The following LRFN5 variants were observed in gnomAD, a reference collection of about 807,000 sequenced individuals.
The protein encoded by LRFN5 is leucine-rich repeat and fibronectin type-III domain-containing protein 5.
In LRFN5, 24 loss-of-function variants were observed where a neutral mutation model predicts 45.6. The observed-to-expected ratio is 0.53, with a 90% CI of 0.38 to 0.74. LRFN5 has a LOEUF of 0.74. Ranked by LOEUF, LRFN5 falls within the 30% of genes least tolerant of loss-of-function variation. The pLI, the probability that LRFN5 is intolerant of heterozygous loss-of-function variation, is 0.00. For synonymous variants in LRFN5, 340 were observed against 313.8 expected (o/e 1.08, Z -0.88); for missense variants, 776 against 861.5 (o/e 0.90, Z 1.24).
chr14:41,895,886 A>G (rs76131970), intron 4 of LRFN5, among the ~76,000 whole-genome samples: 1,850 of 152,212 alleles, frequency 0.012, 12 homozygotes, highest in Non-Finnish European at 0.017. Flanking sequence ...TGAAAGATGC[A>G]TACTTTCTCC....
intron 2 of LRFN5, among the ~76,000 whole-genome samples, chr14:41,863,877 C>G (rs1889753546): frequency 6.6e-6 from 1 of 151,974 alleles, no homozygotes; most frequent in Non-Finnish European, 1.5e-5. Flanking sequence ...TCTCCCTCTC[C>G]CTGTGTCCTT....
At chr14:41,609,509 G>T (rs1357468817) in intron 1 of LRFN5, among the ~76,000 whole-genome samples, 1 of 152,036 alleles carries the variant, frequency 6.6e-6, no homozygotes, top group Non-Finnish European at 1.5e-5. Flanking sequence ...AACTTCCAAA[G>T]CCCTTTACCC....
chr14:41,826,598 A>G (rs969341414), intron 2 of LRFN5, among the ~76,000 whole-genome samples: 1 of 152,044 alleles, frequency 6.6e-6, no homozygotes, highest in Non-Finnish European at 1.5e-5. Context: ...TAACTAAGAA[A>G]TGTTTCGATG....
chr14:41,675,723 G>T (rs958246940), intron 1 of LRFN5, among the ~76,000 whole-genome samples: 1 of 152,112 alleles, frequency 6.6e-6, no homozygotes, highest in Non-Finnish European at 1.5e-5. Flanking sequence ...TTGACTAAAT[G>T]AAATTTCTGC....
chr14:41,855,747 T>C (rs894818361), intron 2 of LRFN5, among the ~76,000 whole-genome samples: 3 of 152,198 alleles, frequency 2.0e-5, no homozygotes, highest in Non-Finnish European at 4.4e-5. Flanking sequence ...ATATTTTTGA[T>C]TCACCTATAA....
chr14:41,754,412 G>A (rs568081187), intron 1 of LRFN5, among the ~76,000 whole-genome samples: 76 of 152,102 alleles, frequency 5.0e-4, no homozygotes, highest in Non-Finnish European at 8.5e-4. Context: ...TTTTTGGTTC[G>A]TAAGCTATTA....
intron 1 of LRFN5, among the ~76,000 whole-genome samples, chr14:41,733,853 A>C (rs1445537307): frequency 6.6e-6 from 1 of 151,280 alleles, no homozygotes; most frequent in Non-Finnish European, 1.5e-5. Flanking sequence ...ATGGTTCCTT[A>C]TTGATTTTTT....
intron 1 of LRFN5, among the ~76,000 whole-genome samples, chr14:41,675,058 A>C (rs1019560935): frequency 6.6e-6 from 1 of 151,868 alleles, no homozygotes; most frequent in Non-Finnish European, 1.5e-5. Context: ...GGCCAGGAAG[A>C]GGCGCTCCTC....
chr14:41,760,609 A>T (rs1885619561), intron 1 of LRFN5, among the ~76,000 whole-genome samples: 1 of 152,326 alleles, frequency 6.6e-6, no homozygotes, highest in Non-Finnish European at 1.5e-5. Context: ...TATGTTTATA[A>T]AATGTGCAGT....
intron 2 of LRFN5, among the ~76,000 whole-genome samples, chr14:41,869,778 A>T (rs1889957667): frequency 6.6e-6 from 1 of 152,046 alleles, no homozygotes; most frequent in Admixed American, 6.6e-5. Flanking sequence ...AGACGTGTTC[A>T]CTATCATGAG....
intron 1 of LRFN5, chr14:41,742,635 C>G (rs574760623): frequency 6.6e-6 from 1 of 152,238 alleles, no homozygotes; most frequent in East Asian, 1.9e-4. Flanking sequence ...CAGCAATTCC[C>G]GTGGATGGGG....
At chr14:41,815,761 TATAA>T (rs750312531) in intron 2 of LRFN5, among the ~76,000 whole-genome samples, 25 of 151,464 alleles carry the variant, frequency 1.7e-4, no homozygotes, top group African/African-American at 5.1e-4. Context: ...TAAAAATAAA[TATAA>T]ATAAATAAAT....
intron 2 of LRFN5, among the ~76,000 whole-genome samples, chr14:41,778,435 A>T (rs1886369743): frequency 6.6e-6 from 1 of 151,628 alleles, no homozygotes; most frequent in African/African-American, 2.4e-5. Flanking sequence ...TACAGGTAAA[A>T]TTTCTTGGTT....
intron 1 of LRFN5, among the ~76,000 whole-genome samples, chr14:41,725,777 A>G (rs781189181): frequency 2.0e-5 from 3 of 152,134 alleles, no homozygotes; most frequent in Non-Finnish European, 4.4e-5. Flanking sequence ...CAGGCTCTGT[A>G]TGTCTGTTTC....
rs191886249 is a variant in LRFN5 at position 41,857,208 on chromosome 14, T to C, written c.-20-29398T>C. Among the ~76,000 whole-genome samples the C allele has an allele frequency of 5.9e-5, 9 of 152,294 alleles. No homozygotes were observed. In the East Asian group the frequency reaches 1.7e-3, roughly 29 times the overall value. ...AGTTAATCTTCATATTATTGTTTTA[T>C]AGATAAAACTCAAGAAAAAATCATT... On this transcript the variant is annotated intron_variant, in intron 2 of 5. Coordinates refer to ENST00000298119, the MANE Select transcript of LRFN5 (RefSeq NM_152447.5).
At chr14:41,610,907 A>G (rs1250713046) in intron 1 of LRFN5, among the ~76,000 whole-genome samples, 1 of 152,056 alleles carries the variant, frequency 6.6e-6, no homozygotes, top group African/African-American at 2.4e-5. Context: ...CCAGAATACT[A>G]TTACAACAGT....
intron 2 of LRFN5, among the ~76,000 whole-genome samples, chr14:41,831,820 G>A (rs575039731): frequency 6.6e-6 from 1 of 152,008 alleles, no homozygotes; most frequent in African/African-American, 2.4e-5. Context: ...CAAAGACTAG[G>A]TGACTTCAAC....
intron 2 of LRFN5, 125 bp from the exon 3 acceptor site, chr14:41,886,481 T>C (rs1890575990): frequency 1.5e-6 from 1 of 664,822 alleles, no homozygotes; most frequent in African/African-American, 1.8e-5. Flanking sequence ...ATATTAATAC[T>C]TGTTAAGCAA....
Position 41,727,871 on chromosome 14 carries a change from G to C in LRFN5, c.-196-38983G>C, listed in dbSNP as rs139425972. Among the ~76,000 whole-genome samples, 282 of 152,214 alleles carry C rather than the reference G, an allele frequency of 1.9e-3. 3 individuals carry two copies. The East Asian group carries it at 0.029, about 15-fold the overall frequency. ...TAAAATATTCCAACTATGAAAGTTAGGTGAGTATTGAGTAGTACATGAAGG... is the reference window on the plus strand; with the variant it reads ...TAAAATATTCCAACTATGAAAGTTACGTGAGTATTGAGTAGTACATGAAGG... On this transcript the variant is annotated intron_variant, in intron 1 of 5. Coordinates refer to ENST00000298119, the MANE Select transcript of LRFN5 (RefSeq NM_152447.5).
Sources: allele counts gnomAD v4.1 joint callset (sites outside exome capture counted in the v4.1 genomes callset), GRCh38; gene constraint gnomAD v4.1.1; transcripts MANE v1.5; gene names NCBI Gene and HGNC (gene_info 2026-07-23, HGNC 2026-07-21).